The following BTBD9 variants were observed in gnomAD, a reference collection of about 807,000 sequenced individuals.
BTBD9 encodes the protein BTB domain containing 9, also known as BTB/POZ domain-containing protein 9.
In BTBD9, 49 loss-of-function variants were observed where a neutral mutation model predicts 64.3. That is an observed-to-expected ratio of 0.76 (90% CI 0.61 to 0.97). The LOEUF (loss-of-function observed/expected upper bound fraction) is 0.97, where lower values mean the gene tolerates loss of function less well. Among genes scored for constraint, BTBD9 ranks in the 50% least tolerant of loss-of-function variants. BTBD9 has a pLI of 0.00. For synonymous variants in BTBD9, 260 were observed against 274.7 expected, an observed-to-expected ratio of 0.95 and a Z score of 0.53; for missense variants, 598 against 762.1, an observed-to-expected ratio of 0.78 and a Z score of 2.53.
chr6:38,182,795 G>C (rs1208583901), intron 10 of BTBD9, among the ~76,000 whole-genome samples: 3 of 152,114 alleles, frequency 2.0e-5, no homozygotes, highest in African/African-American at 7.2e-5. Context: ...CCCAGGTCTG[G>C]GGTCACTTTC....
At chr6:38,637,432 A>G (rs910497266) in intron 1 of BTBD9, among the ~76,000 whole-genome samples, 2 of 152,178 alleles carry the variant, frequency 1.3e-5, no homozygotes, top group Non-Finnish European at 1.5e-5. Context: ...AGATGTTATA[A>G]ATAAAGACCA....
intron 6 of BTBD9, among the ~76,000 whole-genome samples, chr6:38,435,166 C>T (rs1260421627): frequency 7.5e-6 from 1 of 133,206 alleles, no homozygotes; most frequent in East Asian, 2.2e-4. Context: ...TGCACTCTAG[C>T]CTGGGCAACA....
chr6:38,619,203 G>C (rs572630561), intron 1 of BTBD9, among the ~76,000 whole-genome samples: 1 of 152,194 alleles, frequency 6.6e-6, no homozygotes, highest in African/African-American at 2.4e-5. Context: ...AGTCAGCCAC[G>C]GATATCAGGA....
chr6:38,392,776 AAT>A (rs1766482672), intron 6 of BTBD9, among the ~76,000 whole-genome samples: 1 of 152,220 alleles, frequency 6.6e-6, no homozygotes, highest in African/African-American at 2.4e-5. Context: ...AACACCAAAA[AAT>A]ATAGAGTTAA....
In BTBD9 at chr6:38,191,630, G is replaced by A. The variant is rs558972967; in HGVS notation, c.1641+889C>T. On this transcript the variant is annotated intron_variant, in intron 10 of 10. Coordinates refer to ENST00000481247, the MANE Select transcript of BTBD9 (RefSeq NM_001099272.2). ...CCAGACTCGGGCTCCGCCCATCCCT[G>A]TGCCAGGGCCCCTGTTGGGAGTAGA... Among the ~76,000 whole-genome samples, 4 of 152,344 alleles carry A rather than the reference G, an allele frequency of 2.6e-5. No homozygotes were observed. In the East Asian group the frequency reaches 7.7e-4, roughly 29 times the overall value.
Position 38,418,490 on chromosome 6 carries a change from T to G in BTBD9, c.1155-73397A>C, listed in dbSNP as rs78637277. ...TACCAAGATGAGTGAGTGAGTGAGTTTGCTGGTTGCTATAGGAGAACCTTA... is the reference window on the plus strand; with the variant it reads ...TACCAAGATGAGTGAGTGAGTGAGTGTGCTGGTTGCTATAGGAGAACCTTA... On this transcript the variant is annotated intron_variant, in intron 6 of 10. Coordinates refer to ENST00000481247, the MANE Select transcript of BTBD9 (RefSeq NM_001099272.2). Among the ~76,000 whole-genome samples, 1,115 of 152,294 alleles carry G rather than the reference T, an allele frequency of 7.3e-3. 9 individuals are homozygous for G. The highest frequency in any genetic ancestry group is 0.025 in the African/African-American group (1,055 of 41,562).
chr6:38,336,142 CTCACTG>C (rs1763883816), intron 7 of BTBD9, among the ~76,000 whole-genome samples: 5 of 152,178 alleles, frequency 3.3e-5, no homozygotes, highest in Admixed American at 3.3e-4. Context: ...AAGGCTACAG[CTCACTG>C]TAACTTCTAC....
At chr6:38,467,362 A>G (rs1770442157) in intron 6 of BTBD9, among the ~76,000 whole-genome samples, 1 of 152,230 alleles carries the variant, frequency 6.6e-6, no homozygotes, top group Non-Finnish European at 1.5e-5. Context: ...CTGTTTCTGA[A>G]TTTGTGTTCT....
chr6:38,625,391 G>A (rs771083798), intron 1 of BTBD9, among the ~76,000 whole-genome samples: 2 of 152,118 alleles, frequency 1.3e-5, no homozygotes, highest in Admixed American at 6.5e-5. Flanking sequence ...AATCTTGCAG[G>A]TAGCTACTTG....
intron 6 of BTBD9, among the ~76,000 whole-genome samples, chr6:38,550,740 C>A (rs1440791345): frequency 6.6e-6 from 1 of 152,188 alleles, no homozygotes; most frequent in African/African-American, 2.4e-5. Context: ...CCACCACTAT[C>A]TTTTGTCTAA....
chr6:38,248,500 A>G (rs1435037529), intron 9 of BTBD9, among the ~76,000 whole-genome samples: 2 of 152,264 alleles, frequency 1.3e-5, no homozygotes, highest in South Asian at 2.1e-4. Context: ...ATGACAAAGC[A>G]AAGAAATTGT....
intron 9 of BTBD9, among the ~76,000 whole-genome samples, chr6:38,194,027 T>C (rs1224979571): frequency 6.6e-6 from 1 of 152,090 alleles, no homozygotes; most frequent in Non-Finnish European, 1.5e-5. Flanking sequence ...CACATGAAGG[T>C]GACGCCATCT....
chr6:38,612,065 T>G (rs1244035761), intron 1 of BTBD9, among the ~76,000 whole-genome samples: 1 of 152,296 alleles, frequency 6.6e-6, no homozygotes, highest in East Asian at 1.9e-4. Flanking sequence ...CACTATTCAA[T>G]TTTTCCATTC....
chr6:38,310,077 A>C (rs1762772765), intron 7 of BTBD9, among the ~76,000 whole-genome samples: 1 of 152,172 alleles, frequency 6.6e-6, no homozygotes. Context: ...GAGAGGTGTG[A>C]GAAGGAAAGA....
intron 6 of BTBD9, among the ~76,000 whole-genome samples, chr6:38,520,405 G>C (rs1018415707): frequency 6.7e-6 from 1 of 150,360 alleles, no homozygotes; most frequent in Non-Finnish European, 1.5e-5. Flanking sequence ...AGGTTGCAGT[G>C]AGCCGAGATC....
At chr6:38,320,873 T>A (rs1413338494) in intron 7 of BTBD9, among the ~76,000 whole-genome samples, 1 of 152,168 alleles carries the variant, frequency 6.6e-6, no homozygotes, top group Non-Finnish European at 1.5e-5. Context: ...CCTTTAAGGA[T>A]AAGAGGCAAA....
intron 6 of BTBD9, among the ~76,000 whole-genome samples, chr6:38,536,408 A>G (rs1407714326): frequency 2.0e-5 from 3 of 152,168 alleles, no homozygotes; most frequent in Non-Finnish European, 4.4e-5. Flanking sequence ...CATTATGGAG[A>G]ACAGTCTGGA....
At chr6:38,538,019 AG>A (rs1426030227) in intron 6 of BTBD9, among the ~76,000 whole-genome samples, 1 of 152,202 alleles carries the variant, frequency 6.6e-6, no homozygotes, top group African/African-American at 2.4e-5. Context: ...ATTAAGTGAG[AG>A]AAAAATAACC....
Position 38,367,822 on chromosome 6 carries a change from A to C in BTBD9, c.1155-22729T>G, listed in dbSNP as rs796626667. On this transcript the variant is annotated intron_variant, in intron 6 of 10. Coordinates refer to ENST00000481247, the MANE Select transcript of BTBD9 (RefSeq NM_001099272.2). Reference sequence around the variant, plus strand: ...GGCAAAAAAAAAAAAAAAAAAAAAAAAAAAAAAAACCATCCCTGCCTGAAA... The same window carrying C: ...GGCAAAAAAAAAAAAAAAAAAAAAACAAAAAAAAACCATCCCTGCCTGAAA... Among the ~76,000 whole-genome samples the C allele has an allele frequency of 2.6e-3, 255 of 98,404 alleles. 5 individuals carry two copies. Among genetic ancestry groups the C allele is most frequent in the African/African-American group, 9.3e-3 (239 of 25,594 alleles). The allele number at this position is 98,404 out of a possible 152,430, so 64.6% of individuals were successfully genotyped here.
Sources: gnomAD v4.1 joint callset for allele counts (sites outside exome capture counted in the v4.1 genomes callset) on GRCh38, gnomAD v4.1.1 for gene constraint, MANE v1.5 for transcripts, NCBI Gene and HGNC (gene_info 2026-07-23, HGNC 2026-07-21) for gene names.